The following CHCHD6 variants were observed in gnomAD, a reference collection of about 807,000 sequenced individuals.
CHCHD6 encodes the protein coiled-coil-helix-coiled-coil-helix domain containing 6.
Under a neutral mutation model 32.3 loss-of-function variants are expected in CHCHD6, and 28 were observed. That is an observed-to-expected ratio of 0.87 (90% CI 0.64 to 1.19). The LOEUF is 1.19. CHCHD6 is among the 50% of genes most tolerant of loss of function. CHCHD6 has a pLI of 0.00. For missense variants in CHCHD6, 333 were observed against 307.0 expected, an observed-to-expected ratio of 1.08 and a Z score of -0.63; for synonymous variants, 122 against 117.5, an observed-to-expected ratio of 1.04 and a Z score of -0.25.
intron 5 of CHCHD6, among the ~76,000 whole-genome samples, chr3:126,863,086 T>C (rs1576515783): frequency 2.3e-5 from 1 of 42,988 alleles, no homozygotes; most frequent in Non-Finnish European, 4.4e-5. Flanking sequence ...CTCCTCCTCC[T>C]CCTCCACCAT....
chr3:126,863,667 C>CATT (rs1942072353), intron 5 of CHCHD6, among the ~76,000 whole-genome samples: 1 of 143,886 alleles, frequency 6.9e-6, no homozygotes, highest in Non-Finnish European at 1.5e-5. Flanking sequence ...CCTCCTCCAC[C>CATT]ATCACCACCT....
intron 3 of CHCHD6, among the ~76,000 whole-genome samples, chr3:126,731,937 G>T (rs184401509): frequency 2.6e-5 from 4 of 152,072 alleles, no homozygotes; most frequent in African/African-American, 4.8e-5. Flanking sequence ...CGTTAACTGG[G>T]GGGTAGTAAC....
intron 4 of CHCHD6, among the ~76,000 whole-genome samples, chr3:126,794,115 T>G (rs1470603800): frequency 1.3e-5 from 2 of 152,106 alleles, no homozygotes; most frequent in African/African-American, 4.8e-5. Flanking sequence ...CTTAGCTTCT[T>G]GACTCTACAG....
chr3:126,837,853 C>T (rs1309522813), intron 4 of CHCHD6, among the ~76,000 whole-genome samples: 3 of 152,184 alleles, frequency 2.0e-5, no homozygotes, highest in Non-Finnish European at 4.4e-5. Flanking sequence ...AGTTAACCAT[C>T]CCTGAGCATT....
Position 126,704,278 on chromosome 3 carries a change from G to A in CHCHD6, c.-35G>A, listed in dbSNP as rs749981701. The A allele has an allele frequency of 4.5e-6, 7 of 1,569,000 alleles. No homozygotes were observed. The highest frequency in any genetic ancestry group is 2.7e-5 in the African/African-American group (2 of 74,252). ...CCCGGTTGCTCTGGAGCCGGGTCTC[G>A]GGTCTGGTGGCTGCCGGCCCTGCGG... On this transcript the variant is annotated 5_prime_UTR_variant, in exon 1 of 8. Transcript: ENST00000290913.
rs549658855 is a variant in CHCHD6, at chr3:126,768,554, A to C, written c.411+35332A>C. On this transcript the variant is annotated intron_variant, in intron 4 of 7. Transcript: ENST00000290913. ...ATATGCATGTGTGTGTCTTTATGGC[A>C]GAACAATTTATATTCCTTTGGGTAT... Among the ~76,000 whole-genome samples, 446 of 152,342 alleles carry C rather than the reference A, an allele frequency of 2.9e-3. 3 individuals are homozygous for C. The highest frequency in any genetic ancestry group is 5.1e-3 in the Non-Finnish European group (350 of 68,038).
chr3:126,766,261 A>G (rs1937366660), intron 4 of CHCHD6, among the ~76,000 whole-genome samples: 2 of 152,316 alleles, frequency 1.3e-5, no homozygotes, highest in South Asian at 4.1e-4. Context: ...AGCATACAGA[A>G]CAAAAGGTAA....
intron 6 of CHCHD6, among the ~76,000 whole-genome samples, chr3:126,931,783 A>G (rs1227691980): frequency 6.6e-6 from 1 of 152,202 alleles, no homozygotes; most frequent in African/African-American, 2.4e-5. Context: ...TGTTTACTCC[A>G]AAATACCAGC....
chr3:126,900,254 G>A (rs1213425934), intron 5 of CHCHD6, among the ~76,000 whole-genome samples: 2 of 152,104 alleles, frequency 1.3e-5, no homozygotes, highest in Non-Finnish European at 2.9e-5. Context: ...GTCCTGGGCA[G>A]GTCAGTTGAC....
chr3:126,883,953 T>C (rs2077646209), intron 5 of CHCHD6, among the ~76,000 whole-genome samples: 1 of 151,782 alleles, frequency 6.6e-6, no homozygotes, highest in Admixed American at 6.6e-5. Context: ...AAATATTCAC[T>C]GATGGGTTAC....
intron 4 of CHCHD6, among the ~76,000 whole-genome samples, chr3:126,742,351 C>T (rs1936321669): frequency 6.6e-6 from 1 of 152,222 alleles, no homozygotes; most frequent in Non-Finnish European, 1.5e-5. Context: ...TTACTACTTA[C>T]TGCTGCCAGG....
intron 4 of CHCHD6, among the ~76,000 whole-genome samples, chr3:126,744,420 C>T (rs1400428972): frequency 6.6e-6 from 1 of 152,178 alleles, no homozygotes; most frequent in African/African-American, 2.4e-5. Flanking sequence ...CAAGTGTTTG[C>T]CGGAGAAAAG....
At position 126,871,813 on chromosome 3, in the gene CHCHD6, G is replaced by A. The variant is rs1015284376; in HGVS notation, c.495+19083G>A. ...CCCGAGTAGCTGGGACTACAGGCAC[G>A]CACCACCACGCCTGGCTAATTTTTT... On this transcript the variant is annotated intron_variant, in intron 5 of 7. Transcript: ENST00000290913. Among the ~76,000 whole-genome samples, 12 of 151,548 alleles carry A rather than the reference G, an allele frequency of 7.9e-5. No homozygotes were observed. The East Asian group carries it at 1.8e-3, about 22-fold the overall frequency.
chr3:126,732,650 A>G (rs905228900), intron 3 of CHCHD6, among the ~76,000 whole-genome samples: 3 of 152,246 alleles, frequency 2.0e-5, no homozygotes, highest in Non-Finnish European at 4.4e-5. Context: ...ACTAGGCAGA[A>G]TGCCCAGAAA....
At chr3:126,927,552 G>C (rs1311426248) in intron 6 of CHCHD6, among the ~76,000 whole-genome samples, 2 of 152,158 alleles carry the variant, frequency 1.3e-5, no homozygotes, top group Non-Finnish European at 2.9e-5. Flanking sequence ...CAAAAAACTG[G>C]GCTTAGAGAC....
chr3:126,801,334 C>A (rs1003539054), intron 4 of CHCHD6, among the ~76,000 whole-genome samples: 1 of 152,186 alleles, frequency 6.6e-6, no homozygotes, highest in African/African-American at 2.4e-5. Context: ...CAGACGGCAC[C>A]TGGAAAATCG....
intron 6 of CHCHD6, among the ~76,000 whole-genome samples, chr3:126,925,186 G>A (rs2078305303): frequency 6.6e-6 from 1 of 152,216 alleles, no homozygotes; most frequent in South Asian, 2.1e-4. Flanking sequence ...TGGGTGCCTG[G>A]CACTCCATTT....
intron 6 of CHCHD6, among the ~76,000 whole-genome samples, chr3:126,939,298 G>C (rs567903809): frequency 5.9e-5 from 9 of 152,310 alleles, no homozygotes; most frequent in Non-Finnish European, 1.2e-4. Context: ...GCTTTGAAAT[G>C]ACATGATCAG....
At chr3:126,848,300 T>C (rs878909930) in intron 4 of CHCHD6, among the ~76,000 whole-genome samples, 6 of 152,180 alleles carry the variant, frequency 3.9e-5, no homozygotes, top group Admixed American at 3.3e-4. Context: ...AATTTTTCCC[T>C]TGTTGTTCTC....
Sources: allele counts gnomAD v4.1 joint callset (sites outside exome capture counted in the v4.1 genomes callset), GRCh38; gene constraint gnomAD v4.1.1; transcripts MANE v1.5; gene names NCBI Gene and HGNC (gene_info 2026-07-23, HGNC 2026-07-21).